The following TLN2 variants were observed in gnomAD, a reference collection of about 807,000 sequenced individuals.
TLN2 encodes talin 2.
In TLN2, 118 loss-of-function variants were observed where a neutral mutation model predicts 294.7. The observed-to-expected ratio is 0.40, with a 90% CI of 0.34 to 0.47. The LOEUF (loss-of-function observed/expected upper bound fraction) is 0.47, where lower values mean the gene tolerates loss of function less well. Among genes scored for constraint, TLN2 ranks in the 20% least tolerant of loss-of-function variants. The probability of loss-of-function intolerance (pLI) is 0.84; values close to 1 mark genes in which losing one functional copy is unlikely to be tolerated. For missense variants in TLN2, 3,083 were observed against 3,282.2 expected (o/e 0.94, Z 1.48); for synonymous variants, 1,431 against 1,304.5 (o/e 1.10, Z -2.09).
chr15:62,434,959 A>C (rs1264992707), intron 1 of TLN2, among the ~76,000 whole-genome samples: 1 of 152,062 alleles, frequency 6.6e-6, no homozygotes, highest in East Asian at 1.9e-4. Flanking sequence ...GTTTCCCGCT[A>C]TGTGTCCATG....
At chr15:62,728,244 C>G (rs965357528) in intron 28 of TLN2, among the ~76,000 whole-genome samples, 4 of 152,172 alleles carry the variant, frequency 2.6e-5, no homozygotes, top group Admixed American at 2.6e-4. Context: ...ATATGTGCCC[C>G]TCGTGCCTAG....
rs2053118423 is a variant in TLN2, at chr15:62,655,583, T to TGCTTTAGCTATAACTTA, written c.518-361_518-360insGCTTTAGCTATAACTTA. ...GAGGCAGCATATTATACATTCATTGTAGCACATGTCACCGTGGGTTGGCTG... is the reference window on the plus strand; with the variant it reads ...GAGGCAGCATATTATACATTCATTGTGCTTTAGCTATAACTTAAGCACATGTCACCGTGGGTTGGCTG... On this transcript the variant is annotated intron_variant, in intron 7 of 58. Transcript: ENST00000636159. Among the ~76,000 whole-genome samples, 2 of 11,754 alleles carry TGCTTTAGCTATAACTTA rather than the reference T, an allele frequency of 1.7e-4. 1 individual carries two copies. Among genetic ancestry groups the TGCTTTAGCTATAACTTA allele is most frequent in the Non-Finnish European group, 9.5e-3 (2 of 210 alleles). The allele number at this position is 11,754 out of a possible 152,430, so 7.7% of individuals were successfully genotyped here. A position where few individuals can be genotyped will look rare whatever the true frequency, so the allele number is the denominator to read the frequency against.
intron 2 of TLN2, among the ~76,000 whole-genome samples, chr15:62,614,648 T>C (rs115843142): frequency 0.021 from 3,188 of 152,282 alleles, 124 homozygotes; most frequent in African/African-American, 0.074. Context: ...CTAAAATAAT[T>C]GTAATTTTTA....
chr15:62,429,465 C>G (rs75859783), intron 1 of TLN2, among the ~76,000 whole-genome samples: 2,086 of 152,304 alleles, frequency 0.014, 46 homozygotes, highest in African/African-American at 0.047. Flanking sequence ...CCCCACCCGA[C>G]TTGAGACCTG....
At chr15:62,786,658 A>G (rs76491082) in intron 45 of TLN2, among the ~76,000 whole-genome samples, 2 of 147,330 alleles carry the variant, frequency 1.4e-5, no homozygotes, top group South Asian at 2.2e-4. Context: ...AGCTGGCGCA[A>G]TCATTTGTTA....
intron 1 of TLN2, among the ~76,000 whole-genome samples, chr15:62,444,113 TG>T: frequency 6.6e-6 from 1 of 152,282 alleles, no homozygotes; most frequent in East Asian, 1.9e-4. Context: ...TAGCTAATGG[TG>T]GGGTGGAGCC....
At position 62,649,020 on chromosome 15, in the gene TLN2, G is replaced by C. The variant is rs767513695; in HGVS notation, c.137-1064G>C. ...ACGCCACCACACCCGGCTAATTTTT[G>C]TATTTTTTGTAGATACAAGGTCTTG... On this transcript the variant is annotated intron_variant, in intron 4 of 58. Coordinates refer to ENST00000636159, the MANE Select transcript of TLN2 (RefSeq NM_015059.3). Among the ~76,000 whole-genome samples, 12 of 151,996 alleles carry C rather than the reference G, an allele frequency of 7.9e-5. No individual in the cohort carries two copies. In the Middle Eastern group the frequency reaches 0.01, roughly 129 times the overall value.
chr15:62,840,101 G>A (rs116463746), intron 58 of TLN2, among the ~76,000 whole-genome samples: 1,801 of 152,300 alleles, frequency 0.012, 27 homozygotes, highest in African/African-American at 0.034. Flanking sequence ...ACTCCAGACA[G>A]TGGACCTACA....
chr15:62,459,040 C>CA (rs2036643139), intron 1 of TLN2, among the ~76,000 whole-genome samples: 1 of 151,670 alleles, frequency 6.6e-6, no homozygotes, highest in African/African-American at 2.4e-5. Context: ...CTCACTCTGT[C>CA]GCCAGGCTGG....
In TLN2 at chr15:62,702,851, A is replaced by G. The variant is rs778541658; in HGVS notation, c.1991A>G (p.Asp664Gly). The G allele has an allele frequency of 1.2e-6, 2 of 1,614,066 alleles. No individual in the cohort carries two copies. The highest frequency in any genetic ancestry group is 1.7e-5 in the Admixed American group (1 of 60,000). ...LLRQIGENET[D>G]ERFQDVLMSL... is the part of the protein sequence containing the mutation. ...AGACAGATTGGAGAGAATGAGACTG[A>G]TGAGCGATTCCAGGTAAGATATTTG... The change falls in exon 19 of 59, where the codon GAT becomes GGT. Residue 664 changes from aspartate (D) to glycine (G), a missense_variant. Coordinates refer to ENST00000636159, the MANE Select transcript of TLN2 (RefSeq NM_015059.3).
intron 32 of TLN2, among the ~76,000 whole-genome samples, chr15:62,744,331 C>T (rs1595860264): frequency 6.6e-6 from 1 of 151,496 alleles, no homozygotes; most frequent in Admixed American, 6.6e-5. Flanking sequence ...TTCTCATTGT[C>T]TTGCCTTTTC....
chr15:62,775,101 C>T (rs987961904), intron 42 of TLN2, among the ~76,000 whole-genome samples: 3 of 151,862 alleles, frequency 2.0e-5, no homozygotes, highest in Admixed American at 6.6e-5. Flanking sequence ...GGACTACAGG[C>T]GCCCGCCACC....
intron 31 of TLN2, among the ~76,000 whole-genome samples, chr15:62,740,054 T>G (rs560486223): frequency 4.1e-4 from 62 of 151,308 alleles, no homozygotes; most frequent in South Asian, 2.5e-3. Context: ...TTTGTTTTTT[T>G]TTTTTTTTCT....
At chr15:62,769,184 A>T (rs550024572) in intron 41 of TLN2, among the ~76,000 whole-genome samples, 1 of 152,388 alleles carries the variant, frequency 6.6e-6, no homozygotes, top group African/African-American at 2.4e-5. Context: ...ATAAGATTCT[A>T]ATGCATTAAA....
In TLN2 at chr15:62,545,758, A is replaced by G. The variant is rs144549851; in HGVS notation, c.-237-43929A>G. Among the ~76,000 whole-genome samples, 1,296 of 152,300 alleles carry G rather than the reference A, an allele frequency of 8.5e-3. 21 individuals carry two copies. The highest frequency in any genetic ancestry group is 0.03 in the African/African-American group (1,237 of 41,554). On this transcript the variant is annotated intron_variant, in intron 1 of 58. Coordinates refer to ENST00000636159, the MANE Select transcript of TLN2 (RefSeq NM_015059.3). ...ATCTCAGAACTCAGAACTCGAGCCC[A>G]TCCTGGCTGAGGTGTAGTGGCAGGG...
At chr15:62,663,564 CTT>C (rs1290170022) in intron 9 of TLN2, among the ~76,000 whole-genome samples, 1 of 150,714 alleles carries the variant, frequency 6.6e-6, no homozygotes, top group Non-Finnish European at 1.5e-5. Context: ...ATTAACAAGA[CTT>C]TTAAGTGTGG....
intron 21 of TLN2, among the ~76,000 whole-genome samples, chr15:62,709,769 C>A (rs2059305676): frequency 6.7e-6 from 1 of 150,340 alleles, no homozygotes; most frequent in Non-Finnish European, 1.5e-5. Flanking sequence ...GAGTCTCACC[C>A]TGTTGCCCAG....
At chr15:62,557,683 A>G (rs1397584066) in intron 1 of TLN2, among the ~76,000 whole-genome samples, 1 of 152,062 alleles carries the variant, frequency 6.6e-6, no homozygotes, top group Non-Finnish European at 1.5e-5. Context: ...CTGGGATTAC[A>G]GGCACCCGCC....
At chr15:62,446,321 A>C (rs2035822736) in intron 1 of TLN2, among the ~76,000 whole-genome samples, 2 of 152,144 alleles carry the variant, frequency 1.3e-5, no homozygotes, top group South Asian at 4.1e-4. Flanking sequence ...ACTCCTAATA[A>C]GCATCTGGAA....
Sources: allele counts gnomAD v4.1 joint callset (sites outside exome capture counted in the v4.1 genomes callset), GRCh38; gene constraint gnomAD v4.1.1; transcripts MANE v1.5; gene names NCBI Gene and HGNC (gene_info 2026-07-23, HGNC 2026-07-21).